ABTB2: variants seen among roughly 807,000 people sequenced by gnomAD.
ABTB2 encodes the protein ankyrin repeat and BTB/POZ domain-containing protein 2.
A neutral mutation model predicts 104.1 loss-of-function variants in ABTB2; 56 were observed. The observed-to-expected ratio is 0.54, with a 90% CI of 0.43 to 0.67. The LOEUF is 0.67. Ranked by LOEUF, ABTB2 falls within the 30% of genes least tolerant of loss-of-function variation. ABTB2 has a pLI of 0.00. For synonymous variants in ABTB2, 606 were observed against 608.2 expected, an observed-to-expected ratio of 1.00 and a Z score of 0.05; for missense variants, 1,279 against 1,407.7, an observed-to-expected ratio of 0.91 and a Z score of 1.46.
In ABTB2 at chr11:34,152,593, C is replaced by T; in HGVS notation, c.2881-9G>A. 1 of 1,588,886 alleles carries T rather than the reference C, an allele frequency of 6.3e-7. No homozygotes were observed. The highest frequency in any genetic ancestry group is 8.6e-7 in the Non-Finnish European group (1 of 1,159,516). On this transcript the variant is annotated splice_polypyrimidine_tract_variant and intron_variant, in intron 16 of 16. Coordinates refer to ENST00000435224, the MANE Select transcript of ABTB2 (RefSeq NM_145804.3). ...TCTGGGGCATTGTGGATCTGTAGGG[C>T]AGAGAGAGGAGGGGTGAAGCCCATC... is the stretch of plus-strand genomic sequence containing the variant.
At chr11:34,330,772 G>T (rs1855119774) in intron 1 of ABTB2, among the ~76,000 whole-genome samples, 1 of 152,222 alleles carries the variant, frequency 6.6e-6, no homozygotes, top group Non-Finnish European at 1.5e-5. Context: ...ATATGTTAGG[G>T]TGGTTCATGG....
chr11:34,171,896 C>G (rs990130728), intron 4 of ABTB2, among the ~76,000 whole-genome samples: 2 of 152,150 alleles, frequency 1.3e-5, no homozygotes, highest in African/African-American at 2.4e-5. Context: ...TCAACGCAAC[C>G]TACAAGGAAA....
At chr11:34,348,550 T>A (rs1855361157) in intron 1 of ABTB2, among the ~76,000 whole-genome samples, 1 of 152,136 alleles carries the variant, frequency 6.6e-6, no homozygotes, top group South Asian at 2.1e-4. Flanking sequence ...ATCTCCGCAG[T>A]CGCAGCTCTA....
At chr11:34,282,628 GTAA>G (rs1590240663) in intron 1 of ABTB2, among the ~76,000 whole-genome samples, 1 of 151,904 alleles carries the variant, frequency 6.6e-6, no homozygotes, top group Non-Finnish European at 1.5e-5. Flanking sequence ...CCAGGTTCAG[GTAA>G]TTAGCCTGCC....
intron 1 of ABTB2, among the ~76,000 whole-genome samples, chr11:34,237,411 C>T (rs868039732): frequency 5.2e-4 from 78 of 151,246 alleles, no homozygotes; most frequent in Middle Eastern, 3.4e-3. Flanking sequence ...CCAAAGTGCT[C>T]GGATTTCAGG....
intron 1 of ABTB2, among the ~76,000 whole-genome samples, chr11:34,297,796 G>GAAAAAAAAAAAAAAAAAAAAAAAACAAAT (rs1554923796): frequency 8.1e-6 from 1 of 123,072 alleles, no homozygotes; most frequent in African/African-American, 3.2e-5. Context: ...AAAAATAAAG[G>GAAAAAAAAAAAAAAAAAAAAAAAACAAAT]AAAGAAAAAG....
intron 3 of ABTB2, 119 bp from the exon 4 acceptor site, chr11:34,173,426 G>T: frequency 1.6e-6 from 2 of 1,264,096 alleles, no homozygotes; most frequent in South Asian, 1.6e-5. Context: ...CAGTCCTAGG[G>T]TGGGGGGCTC....
chr11:34,234,303 T>TG (rs1380715574), intron 1 of ABTB2, among the ~76,000 whole-genome samples: 1 of 152,126 alleles, frequency 6.6e-6, no homozygotes, highest in Non-Finnish European at 1.5e-5. Flanking sequence ...AAGGAAAGCA[T>TG]GGGGGGATGC....
intron 1 of ABTB2, among the ~76,000 whole-genome samples, chr11:34,282,415 A>G (rs1412021698): frequency 6.6e-6 from 1 of 152,236 alleles, no homozygotes; most frequent in African/African-American, 2.4e-5. Flanking sequence ...TTAAAATAGT[A>G]TTAAAAGTGA....
intron 1 of ABTB2, among the ~76,000 whole-genome samples, chr11:34,235,798 T>C (rs1565148307): frequency 6.6e-6 from 1 of 152,220 alleles, no homozygotes; most frequent in Non-Finnish European, 1.5e-5. Flanking sequence ...AGGCATTAAT[T>C]AGCTGCAGGA....
intron 1 of ABTB2, among the ~76,000 whole-genome samples, chr11:34,332,990 T>C (rs1252888758): frequency 2.0e-5 from 3 of 152,202 alleles, no homozygotes; most frequent in South Asian, 2.1e-4. Context: ...AGGTCAACAA[T>C]GGCCATTCAT....
intron 14 of ABTB2, among the ~76,000 whole-genome samples, chr11:34,158,448 A>G (rs1189141083): frequency 2.0e-5 from 3 of 152,058 alleles, no homozygotes; most frequent in East Asian, 1.9e-4. Flanking sequence ...AGGTGGCCCC[A>G]TGTGCTTCTG....
intron 1 of ABTB2, among the ~76,000 whole-genome samples, chr11:34,326,280 C>T (rs1411078634): frequency 6.6e-6 from 1 of 151,892 alleles, no homozygotes; most frequent in Admixed American, 6.6e-5. Flanking sequence ...CCAAAAAAAC[C>T]ACAGAGATAT....
chr11:34,158,281 C>T lies in ABTB2; in HGVS notation c.2697+1015G>A, dbSNP rs543598169. 2.6e-4 allele frequency among the ~76,000 whole-genome samples: 39 copies of T among 152,200 alleles called. 1 individual carries two copies. The highest frequency in any genetic ancestry group is 8.2e-4 in the African/African-American group (34 of 41,530). On this transcript the variant is annotated intron_variant, in intron 14 of 16. Transcript: ENST00000435224. The stretch of plus-strand genomic sequence containing the variant: ...ACAAAAAATTAGCTGGGTGTGGTGG[C>T]GGGCGCCTGTAGTCCCAGCTACTCG...
chr11:34,176,787 A>G (rs1039153813), intron 3 of ABTB2, among the ~76,000 whole-genome samples: 1 of 152,242 alleles, frequency 6.6e-6, no homozygotes, highest in African/African-American at 2.4e-5. Flanking sequence ...AGAATGGTGT[A>G]TAATTTTCAA....
chr11:34,318,676 G>A (rs968911695), intron 1 of ABTB2, among the ~76,000 whole-genome samples: 1 of 152,196 alleles, frequency 6.6e-6, no homozygotes, highest in South Asian at 2.1e-4. Flanking sequence ...ACTAGACTGT[G>A]AATCAGCCAG....
intron 1 of ABTB2, among the ~76,000 whole-genome samples, chr11:34,334,657 C>T (rs1273103762): frequency 6.6e-6 from 1 of 152,168 alleles, no homozygotes; most frequent in Non-Finnish European, 1.5e-5. Flanking sequence ...TTCCCTTTCC[C>T]TCTTCCCATG....
At chr11:34,185,784 A>T (rs1366283138) in intron 3 of ABTB2, among the ~76,000 whole-genome samples, 1 of 152,178 alleles carries the variant, frequency 6.6e-6, no homozygotes, top group African/African-American at 2.4e-5. Flanking sequence ...AGTTAATAAC[A>T]ATGTATTATA....
At chr11:34,343,375 G>A (rs905767449) in intron 1 of ABTB2, among the ~76,000 whole-genome samples, 3 of 152,168 alleles carry the variant, frequency 2.0e-5, no homozygotes, top group Admixed American at 1.3e-4. Flanking sequence ...GCTCTCCCAG[G>A]AATGCTACCC....
Sources: allele counts gnomAD v4.1 joint callset (sites outside exome capture counted in the v4.1 genomes callset), GRCh38; gene constraint gnomAD v4.1.1; transcripts MANE v1.5; gene names NCBI Gene and HGNC (gene_info 2026-07-23, HGNC 2026-07-21).